CCDC154: variants seen among roughly 807,000 people sequenced by gnomAD.
CCDC154 encodes the protein coiled-coil domain containing 154, also known as coiled-coil domain-containing protein 154.
A neutral mutation model predicts 87.5 loss-of-function variants in CCDC154; 91 were observed. That is an observed-to-expected ratio of 1.04 (90% CI 0.88 to 1.24). The LOEUF is 1.24. CCDC154 is among the 50% of genes most tolerant of loss of function. The probability of loss-of-function intolerance (pLI) is 0.00; values close to 1 mark genes in which losing one functional copy is unlikely to be tolerated. For synonymous variants in CCDC154, 418 were observed against 400.4 expected, an observed-to-expected ratio of 1.04 and a Z score of -0.52; for missense variants, 903 against 879.2, an observed-to-expected ratio of 1.03 and a Z score of -0.34.
chr16:1,436,915 A>G, intron 11 of CCDC154, 104 bp from the exon 12 acceptor site: 10 of 1,452,656 alleles, frequency 6.9e-6, no homozygotes, highest in Non-Finnish European at 9.3e-6. Flanking sequence ...CCCCACCCCC[A>G]CTTCCAGCTC....
chr16:1,437,792 T>C (rs1415260055), intron 11 of CCDC154, 25 bp downstream of exon 11: 2 of 1,515,284 alleles, frequency 1.3e-6, no homozygotes, highest in Admixed American at 2.0e-5. Context: ...TAGCCCCGCC[T>C]GCCCCCGCCC....
At chr16:1,440,717 G>A (rs931929890) in intron 6 of CCDC154, among the ~76,000 whole-genome samples, 4 of 151,966 alleles carry the variant, frequency 2.6e-5, no homozygotes, top group African/African-American at 7.3e-5. Context: ...TTGGGAGGCC[G>A]AGATGGGCAG....
rs965058246 is a variant in CCDC154, at chr16:1,438,695, C to T, written c.949G>A (p.Val317Met). ...LEQCQGLDAA[V>M]AQLTKFVQQN... is the part of the protein sequence containing the mutation. ...TGCACAAACTTGGTCAGCTGGGCCA[C>T]GGCAGCATCCAGGCCCTGGCACTGC... The change falls in exon 9 of 17, where the codon GTG (valine) becomes ATG (methionine). Residue 317 changes from valine (V) to methionine (M), a missense_variant. Val to Met is a conservative substitution (Grantham distance 21). Coordinates refer to ENST00000389176, the MANE Select transcript of CCDC154 (RefSeq NM_001143980.3). 8.4e-6 allele frequency: 13 copies of T among 1,549,936 alleles called. No homozygotes were observed. Among genetic ancestry groups the T allele is most frequent in the African/African-American group, 5.5e-5 (4 of 73,042 alleles).
At chr16:1,443,033 C>T in intron 4 of CCDC154, 58 bp from the exon 5 acceptor site, 1 of 1,536,630 alleles carries the variant, frequency 6.5e-7, no homozygotes, top group African/African-American at 1.4e-5. Flanking sequence ...CCTCGGCGGG[C>T]TGGGGGTCTG....
chr16:1,438,637 A>G lies in CCDC154; in HGVS notation c.1007T>C (p.Leu336Pro), dbSNP rs775572308. 9.7e-6 allele frequency: 15 copies of G among 1,549,886 alleles called. No homozygotes were observed. Among genetic ancestry groups the G allele is most frequent in the Admixed American group, 3.9e-5 (2 of 50,966 alleles). Residue 336 changes from leucine (L) to proline (P), a missense_variant, in exon 9 of 17, where the codon CTG becomes CCG. Physicochemically the swap from Leu to Pro is moderately conservative, Grantham distance 98. Coordinates refer to ENST00000389176, the MANE Select transcript of CCDC154 (RefSeq NM_001143980.3). ...QNQASLNRVLLAEEKAWDAKG... is the reference protein window; with the variant it reads ...QNQASLNRVLPAEEKAWDAKG... Reference sequence around the variant, plus strand: ...CACCCACCAGGCTTTCTCCTCGGCCAGTAGGACACGGTTCAGCGACGCCTG... The same window carrying G: ...CACCCACCAGGCTTTCTCCTCGGCCGGTAGGACACGGTTCAGCGACGCCTG...
In CCDC154 at chr16:1,439,038, A is replaced by G; in HGVS notation, c.764T>C (p.Leu255Pro). 6.5e-7 allele frequency: 1 copy of G among 1,550,252 alleles called. No individual in the cohort carries two copies. Among genetic ancestry groups the G allele is most frequent in the Non-Finnish European group, 8.7e-7 (1 of 1,146,902 alleles). Reference protein sequence around the residue: ...KLCGFLQKSFLALEKRMKASE... With the variant: ...KLCGFLQKSFPALEKRMKASE... ...GCAGGCTCCCACCTTCTCCAGGGCC[A>G]GGAAGCTCTTCTGCAGGAAGCCGCA... The change falls in exon 7 of 17, where the codon CTG becomes CCG. Residue 255 changes from leucine (L) to proline (P), a missense_variant. Coordinates refer to ENST00000389176, the MANE Select transcript of CCDC154 (RefSeq NM_001143980.3).
Position 1,443,976 on chromosome 16 carries a change from G to A in CCDC154, c.44C>T (p.Pro15Leu), listed in dbSNP as rs1025865961. 7.7e-7 allele frequency: 1 copy of A among 1,302,356 alleles called. No homozygotes were observed. Among genetic ancestry groups the A allele is most frequent in the Admixed American group, 2.3e-5 (1 of 43,562 alleles). The allele number at this position is 1,302,356 out of a possible 1,614,324, so 80.7% of individuals were successfully genotyped here. Reference protein sequence around the residue: ...ADSGPSGASAPSQLRAVTLED... With the variant: ...ADSGPSGASALSQLRAVTLED... Reference sequence around the variant, plus strand: ...CAGGGTGACGGCTCTCAGCTGGGAAGGGGCCGATGCCCCTGAGGGTCCACT... The same window carrying A: ...CAGGGTGACGGCTCTCAGCTGGGAAAGGGCCGATGCCCCTGAGGGTCCACT... Residue 15 changes from proline (P) to leucine (L), a missense_variant, in exon 2 of 17, where the codon CCT becomes CTT. Coordinates refer to ENST00000389176, the MANE Select transcript of CCDC154 (RefSeq NM_001143980.3).
At chr16:1,438,515 G>A (rs1335885263) in intron 9 of CCDC154, 104 bp downstream of exon 9, 3 of 1,097,666 alleles carry the variant, frequency 2.7e-6, no homozygotes, top group South Asian at 2.9e-5. Flanking sequence ...TCTGCTCGGG[G>A]GAGGCAAGGT....
intron 6 of CCDC154, among the ~76,000 whole-genome samples, chr16:1,440,614 C>T (rs2038543117): frequency 6.6e-6 from 1 of 151,160 alleles, no homozygotes; most frequent in Non-Finnish European, 1.5e-5. Context: ...TGAGACTGGC[C>T]TGGGCAACAC....
intron 9 of CCDC154, 199 bp from the exon 10 acceptor site, chr16:1,438,375 C>G: frequency 1.3e-6 from 1 of 795,052 alleles, no homozygotes; most frequent in South Asian, 1.9e-5. Context: ...CCACGGCCAC[C>G]AAGACAGGGG....
Position 1,443,695 on chromosome 16 carries a change from C to A in CCDC154, c.225G>T (p.Trp75Cys). ...CCACCTCGGCCTGCAGCTCCACCAC[C>A]CTGGCCGGGGCGAGAGTGGGCGAGT... ...TAKHWNQLEQ[W>C]VVELQAEVAC... The change falls in exon 3 of 17, where the codon TGG becomes TGT. Residue 75 changes from tryptophan to cysteine, a missense_variant and splice_region_variant. Trp to Cys is a radical substitution (Grantham distance 215). Coordinates refer to ENST00000389176, the MANE Select transcript of CCDC154 (RefSeq NM_001143980.3). The A allele has an allele frequency of 7.7e-7, 1 of 1,295,674 alleles. No individual in the cohort carries two copies. The highest frequency in any genetic ancestry group is 1.0e-6 in the Non-Finnish European group (1 of 994,926). The allele number at this position is 1,295,674 out of a possible 1,614,324, so 80.3% of individuals were successfully genotyped here.
intron 5 of CCDC154, among the ~76,000 whole-genome samples, 167 bp from the exon 6 acceptor site, chr16:1,442,696 C>T (rs1025395045): frequency 2.0e-5 from 3 of 152,226 alleles, no homozygotes; most frequent in South Asian, 2.1e-4. Flanking sequence ...AGGGCTGCTG[C>T]GAGTCTCTTC....
intron 6 of CCDC154, among the ~76,000 whole-genome samples, chr16:1,439,841 T>C (rs554612402): frequency 1.3e-5 from 2 of 152,256 alleles, no homozygotes; most frequent in African/African-American, 4.8e-5. Flanking sequence ...AAAATGTTCC[T>C]GTGTGCCAAT....
intron 7 of CCDC154, 36 bp downstream of exon 7, chr16:1,438,989 G>A (rs3751896): frequency 9.8e-5 from 152 of 1,549,652 alleles, no homozygotes; most frequent in Middle Eastern, 3.3e-4. Flanking sequence ...GTCTGGGAAG[G>A]GGGGCAGGGC....
rs556065475 is a variant in CCDC154, at chr16:1,436,034, C to T, written c.1540G>A (p.Val514Met). ...GGGTTGTCTTCCTTTAGCAGCTGCA[C>T]GGATGATAGTAGCGTGGCCAGCTCC... ...RQELATLLSS[V>M]QLLKEDNPGR... is the part of the protein sequence containing the mutation. The change falls in exon 14 of 17, where the codon GTG (valine) becomes ATG (methionine). Residue 514 changes from valine to methionine, a missense_variant. Coordinates refer to ENST00000389176, the MANE Select transcript of CCDC154 (RefSeq NM_001143980.3). 35 of 1,550,322 alleles carry T rather than the reference C, an allele frequency of 2.3e-5. No homozygotes were observed. The highest frequency in any genetic ancestry group is 1.2e-4 in the Admixed American group (6 of 51,008).
At chr16:1,440,574 A>C (rs567089054) in intron 6 of CCDC154, among the ~76,000 whole-genome samples, 17 of 152,284 alleles carry the variant, frequency 1.1e-4, no homozygotes, top group African/African-American at 3.8e-4. Context: ...TGGGAGGCTG[A>C]GGCAGGAGGA....
Position 1,434,757 on chromosome 16 carries a change from T to A in CCDC154, c.1788A>T (p.Pro596=). Residue 596 remains proline, a synonymous_variant, in exon 16 of 17, where the codon CCA becomes CCT. Coordinates refer to ENST00000389176, the MANE Select transcript of CCDC154 (RefSeq NM_001143980.3). ...TGAAGACCCGCGGCCTCACCAGGGA[T>A]GGGAGCGCCTTCCAGCTGCCCAGCG... The part of the protein sequence containing the change: ...RTPLGSWKAL[P]SLVRPRVFIK... 1 of 1,545,322 alleles carries A rather than the reference T, an allele frequency of 6.5e-7. No individual in the cohort carries two copies. Among genetic ancestry groups the A allele is most frequent in the Non-Finnish European group, 8.7e-7 (1 of 1,146,774 alleles).
chr16:1,442,606 C>T, intron 5 of CCDC154, 77 bp from the exon 6 acceptor site: 1 of 1,440,636 alleles, frequency 6.9e-7, no homozygotes, highest in African/African-American at 1.4e-5. Context: ...CACAGGCTGG[C>T]CAGGCAGGAG....
intron 6 of CCDC154, among the ~76,000 whole-genome samples, chr16:1,440,564 T>C (rs1223204732): frequency 6.6e-6 from 1 of 151,264 alleles, no homozygotes; most frequent in Non-Finnish European, 1.5e-5. Flanking sequence ...GAAAACTTTT[T>C]GGGAGGCTGA....
Sources: gnomAD v4.1 joint callset for allele counts (sites outside exome capture counted in the v4.1 genomes callset) on GRCh38, gnomAD v4.1.1 for gene constraint, MANE v1.5 for transcripts, NCBI Gene and HGNC (gene_info 2026-07-23, HGNC 2026-07-21) for gene names.